CENPF: variants seen among roughly 807,000 people sequenced by gnomAD.
The protein encoded by CENPF is AH antigen.
A neutral mutation model predicts 307.3 loss-of-function variants in CENPF; 214 were observed. The observed-to-expected ratio is 0.70, with a 90% CI of 0.62 to 0.78. The LOEUF (loss-of-function observed/expected upper bound fraction) is 0.78, where lower values mean the gene tolerates loss of function less well. Among genes scored for constraint, CENPF ranks in the 30% least tolerant of loss-of-function variants. The pLI, the probability that CENPF is intolerant of heterozygous loss-of-function variation, is 0.00. For synonymous variants in CENPF, 1,259 were observed against 1,270.6 expected (o/e 0.99, Z 0.19); for missense variants, 3,401 against 3,483.9 (o/e 0.98, Z 0.60).
chr1:214,648,492 A>T, intron 13 of CENPF, 183 bp from the exon 14 acceptor site: 2 of 754,186 alleles, frequency 2.7e-6, no homozygotes, highest in East Asian at 2.5e-5. Flanking sequence ...TGGGAAGAAA[A>T]GGTAAGCTTA....
rs1658377556 is a variant in CENPF at position 214,648,717 on chromosome 1, A to G, written c.7873A>G (p.Met2625Val). Residue 2625 changes from methionine (M) to valine (V), a missense_variant, in exon 14 of 20, where the codon ATG becomes GTG. Physicochemically the swap from Met to Val is conservative, Grantham distance 21. Transcript: ENST00000366955. ...AAAGGAAACTGAGCTGCAGAGGGAAATGCATGAGATGGCACAGAAAACAGC... is the reference window on the plus strand; with the variant it reads ...AAAGGAAACTGAGCTGCAGAGGGAAGTGCATGAGATGGCACAGAAAACAGC... Reference protein sequence around the residue: ...TAKETELQREMHEMAQKTAEL... With the variant: ...TAKETELQREVHEMAQKTAEL... 2 of 1,614,056 alleles carry G rather than the reference A, an allele frequency of 1.2e-6. No individual in the cohort carries two copies. Among genetic ancestry groups the G allele is most frequent in the Non-Finnish European group, 1.7e-6 (2 of 1,179,968 alleles).
chr1:214,605,893 C>T (rs1657013797), intron 1 of CENPF: 2 of 1,597,280 alleles, frequency 1.3e-6, no homozygotes, highest in African/African-American at 2.7e-5. Context: ...TGGACACCTT[C>T]TCGATGTTAG....
chr1:214,622,665 A>G (rs1186242258), intron 7 of CENPF, among the ~76,000 whole-genome samples: 1 of 152,034 alleles, frequency 6.6e-6, no homozygotes, highest in African/African-American at 2.4e-5. Flanking sequence ...GATCGTATAT[A>G]TAGTTGGTCC....
Position 214,614,812 on chromosome 1 carries a change from T to C in CENPF, c.163-20T>C, listed in dbSNP as rs771034188. 2.0e-6 allele frequency: 3 copies of C among 1,518,270 alleles called. No homozygotes were observed. In the East Asian group the frequency reaches 6.9e-5, roughly 35 times the overall value. 94.0% of individuals were successfully genotyped at this position (1,518,270 alleles called of 1,614,324 possible). On this transcript the variant is annotated intron_variant, in intron 2 of 19. Coordinates refer to ENST00000366955, the MANE Select transcript of CENPF (RefSeq NM_016343.4). ...TTCACAAAATAAGGGAGTTATTGTC[T>C]TCTGAACAATTCTCATTAGGTTGAA...
At position 214,614,874 on chromosome 1, in the gene CENPF, A is replaced by C; in HGVS notation, c.205A>C (p.Asn69His). The change falls in exon 3 of 20, where the codon AAT (asparagine) becomes CAT (histidine). Residue 69 changes from asparagine (N) to histidine (H), a missense_variant. Transcript: ENST00000366955. ...KTEGTNLKRE[N>H]QRLMEICESL... ...CGAGGGTACAAACCTGAAAAGGGAG[A>C]ATCAAAGATTGATGGAAATATGTGA... The C allele has an allele frequency of 1.2e-6, 2 of 1,604,404 alleles. No homozygotes were observed. The highest frequency in any genetic ancestry group is 2.3e-5 in the South Asian group (2 of 88,308).
chr1:214,629,993 T>C (rs887661346), intron 8 of CENPF, among the ~76,000 whole-genome samples: 3 of 152,202 alleles, frequency 2.0e-5, no homozygotes, highest in African/African-American at 7.2e-5. Flanking sequence ...TCAGGTGATT[T>C]AGCCTGAAAA....
intron 1 of CENPF, among the ~76,000 whole-genome samples, chr1:214,604,545 GTCT>G (rs1558165484): frequency 6.6e-6 from 1 of 152,164 alleles, no homozygotes; most frequent in Admixed American, 6.5e-5. Flanking sequence ...CAGCTTGCCA[GTCT>G]TCTTTATGTT....
rs1169562722 is a variant in CENPF at position 214,638,113 on chromosome 1, C to A, written c.1582+112C>A. ...TCTTTGGATTTTTTTTCATATATTC[C>A]CTCAAAAAGATGTGCGCAGTTGATG... On this transcript the variant is annotated intron_variant, in intron 11 of 19. Coordinates refer to ENST00000366955, the MANE Select transcript of CENPF (RefSeq NM_016343.4). 7.1e-6 allele frequency: 8 copies of A among 1,126,766 alleles called. No individual in the cohort carries two copies. In the African/African-American group the frequency reaches 9.6e-5, roughly 14 times the overall value. The allele number at this position is 1,126,766 out of a possible 1,614,324, so 69.8% of individuals were successfully genotyped here.
chr1:214,614,684 T>A, intron 2 of CENPF, 148 bp from the exon 3 acceptor site: 1 of 500,826 alleles, frequency 2.0e-6, no homozygotes, highest in East Asian at 3.3e-5. Flanking sequence ...GGCTTCAAAG[T>A]GTGATCATCT....
At chr1:214,657,473 A>AT (rs1159497386) in intron 18 of CENPF, 64 bp downstream of exon 18, 1 of 1,211,988 alleles carries the variant, frequency 8.3e-7, no homozygotes, top group African/African-American at 1.5e-5. Context: ...TGGTTCACAT[A>AT]TAAAAAGACA....
rs377015058 is a variant in CENPF, at chr1:214,657,058, C to T, written c.8611C>T (p.His2871Tyr). Reference protein sequence around the residue: ...LDKYCSLLISHEKLEKAKEML... With the variant: ...LDKYCSLLISYEKLEKAKEML... Reference sequence around the variant, plus strand: ...TAAGTACTGTTCCTTGCTTATAAGCCATGAAAAGTTAGAGAAAGCTAAAGA... The same window carrying T: ...TAAGTACTGTTCCTTGCTTATAAGCTATGAAAAGTTAGAGAAAGCTAAAGA... Residue 2871 changes from histidine to tyrosine, a missense_variant, in exon 18 of 20, where the codon CAT (histidine) becomes TAT (tyrosine). Coordinates refer to ENST00000366955, the MANE Select transcript of CENPF (RefSeq NM_016343.4). The T allele has an allele frequency of 6.2e-7, 1 of 1,614,040 alleles. No homozygotes were observed.
intron 7 of CENPF, among the ~76,000 whole-genome samples, chr1:214,623,626 T>C (rs1040105580): frequency 3.3e-5 from 5 of 152,182 alleles, no homozygotes; most frequent in Non-Finnish European, 7.3e-5. Context: ...TTTTTTCTAT[T>C]ACTCATTCAT....
rs555125987 is a variant in CENPF, at chr1:214,642,487, A to G, written c.4149A>G (p.Pro1383=). Residue 1383 remains proline (P), a synonymous_variant, in exon 12 of 20, where the codon CCA becomes CCG. Transcript: ENST00000366955. ...PNEQHPVSLA[P]LDESNSYEHL... ...AACAGCACCCTGTGTCTTTGGCTCC[A>G]TTGGACGAGAGTAATTCCTACGAGC... 1.9e-6 allele frequency: 3 copies of G among 1,609,274 alleles called. No individual in the cohort carries two copies. Among genetic ancestry groups the G allele is most frequent in the Admixed American group, 3.4e-5 (2 of 59,432 alleles).
chr1:214,652,229 G>A lies in CENPF; in HGVS notation c.8160+343G>A, dbSNP rs377424754. Among the ~76,000 whole-genome samples the A allele has an allele frequency of 1.8e-3, 273 of 151,068 alleles. 2 individuals carry two copies. Among genetic ancestry groups the A allele is most frequent in the East Asian group, 5.3e-3 (27 of 5,086 alleles). ...TTTTTGTATTTTTAGTAGTGATGGG[G>A]TTTCACTGTGTTAGCCAGGATGGTC... is the stretch of plus-strand genomic sequence containing the variant. On this transcript the variant is annotated intron_variant, in intron 15 of 19. Coordinates refer to ENST00000366955, the MANE Select transcript of CENPF (RefSeq NM_016343.4).
chr1:214,646,316 A>G lies in CENPF; in HGVS notation c.6746A>G (p.Gln2249Arg). ...GAAGAAAAGGAGCAAGCAGAGATAC[A>G]GATCAAAGAAGAATCTAAAACTGCA... ...LLEEKEQAEIQIKEESKTAVE... is the reference protein window; with the variant it reads ...LLEEKEQAEIRIKEESKTAVE... Residue 2249 changes from glutamine (Q) to arginine (R), a missense_variant, in exon 13 of 20, where the codon CAG (glutamine) becomes CGG (arginine). Physicochemically the swap from Gln to Arg is conservative, Grantham distance 43. Transcript: ENST00000366955. 1 of 1,614,052 alleles carries G rather than the reference A, an allele frequency of 6.2e-7. No homozygotes were observed. The highest frequency in any genetic ancestry group is 8.5e-7 in the Non-Finnish European group (1 of 1,179,996).
chr1:214,613,653 A>G, intron 1 of CENPF, 61 bp from the exon 2 acceptor site: 2 of 1,255,316 alleles, frequency 1.6e-6, no homozygotes, highest in Non-Finnish European at 2.2e-6. Context: ...AGATTCATTA[A>G]TTTCTGAGAC....
chr1:214,644,939 T>C lies in CENPF; in HGVS notation c.5369T>C (p.Ile1790Thr), dbSNP rs1209801023. 1.9e-6 allele frequency: 3 copies of C among 1,613,374 alleles called. No homozygotes were observed. The highest frequency in any genetic ancestry group is 2.7e-5 in the African/African-American group (2 of 74,842). ...SNENLRLLHV[I>T]EDRDRKVESL... is the part of the protein sequence containing the mutation. ...GAGAATTTGAGATTACTTCATGTGA[T>C]AGAGGACCGTGACAGAAAAGTTGAA... is the stretch of plus-strand genomic sequence containing the variant. The change falls in exon 13 of 20, where the codon ATA (isoleucine) becomes ACA (threonine). Residue 1790 changes from isoleucine to threonine, a missense_variant. Transcript: ENST00000366955.
intron 9 of CENPF, among the ~76,000 whole-genome samples, chr1:214,631,933 T>C (rs904175010): frequency 1.3e-5 from 2 of 152,236 alleles, no homozygotes; most frequent in Non-Finnish European, 2.9e-5. Context: ...GTTTTTAAAA[T>C]TGTTGCTAAT....
In CENPF at chr1:214,652,859, A is replaced by C. The variant is rs763377013; in HGVS notation, c.8192A>C (p.Lys2731Thr). The change falls in exon 16 of 20, where the codon AAA (lysine) becomes ACA (threonine). Residue 2731 changes from lysine (K) to threonine (T), a missense_variant. Physicochemically the swap from Lys to Thr is moderately conservative, Grantham distance 78. Transcript: ENST00000366955. ...YEVEIQTYRE[K>T]LTSKEECLSS... is the part of the protein sequence containing the mutation. Reference sequence around the variant, plus strand: ...GTAGAAATCCAGACATACCGAGAGAAATTGACTTCTAAAGAAGAATGTCTC... The same window carrying C: ...GTAGAAATCCAGACATACCGAGAGACATTGACTTCTAAAGAAGAATGTCTC... The C allele has an allele frequency of 5.6e-6, 9 of 1,599,852 alleles. No homozygotes were observed. The East Asian group carries it at 2.0e-4, about 36-fold the overall frequency.
Sources: allele counts gnomAD v4.1 joint callset (sites outside exome capture counted in the v4.1 genomes callset), GRCh38; gene constraint gnomAD v4.1.1; transcripts MANE v1.5; gene names NCBI Gene and HGNC (gene_info 2026-07-23, HGNC 2026-07-21).